The following TDRD3 variants were observed in gnomAD, a reference collection of about 807,000 sequenced individuals.
TDRD3 encodes the protein tudor domain containing 3, also known as tudor domain-containing protein 3.
A neutral mutation model predicts 86.7 loss-of-function variants in TDRD3; 45 were observed. That is an observed-to-expected ratio of 0.52 (90% CI 0.41 to 0.67). The LOEUF (loss-of-function observed/expected upper bound fraction) is 0.67, where lower values mean the gene tolerates loss of function less well. Among genes scored for constraint, TDRD3 ranks in the 30% least tolerant of loss-of-function variants. TDRD3 has a pLI of 0.00. For missense variants in TDRD3, 814 were observed against 889.0 expected (o/e 0.92, Z 1.07); for synonymous variants, 298 against 301.7 (o/e 0.99, Z 0.13).
intron 4 of TDRD3, among the ~76,000 whole-genome samples, chr13:60,462,563 A>G (rs1042039845): frequency 1.3e-5 from 2 of 152,166 alleles, no homozygotes; most frequent in Non-Finnish European, 2.9e-5. Context: ...TCTAGATGGG[A>G]TAAACCAGGT....
chr13:60,414,274 G>A (rs983668247), intron 1 of TDRD3, among the ~76,000 whole-genome samples: 1 of 152,128 alleles, frequency 6.6e-6, no homozygotes, highest in Non-Finnish European at 1.5e-5. Flanking sequence ...GGAGTTGGCA[G>A]ACTATGACCA....
intron 12 of TDRD3, among the ~76,000 whole-genome samples, chr13:60,554,212 T>C (rs769966689): frequency 1.3e-5 from 2 of 152,226 alleles, no homozygotes; most frequent in Non-Finnish European, 2.9e-5. Flanking sequence ...AATTAGTGTT[T>C]AACCCTGGAC....
rs1956668971 is a variant in TDRD3, at chr13:60,494,463, G to C, written c.746G>C (p.Gly249Ala). ...AAGACATTTGGAGGAGGTGGTGGTG[G>C]TGCTAGAAGTAATCTCAATATGAAT... The part of the protein sequence containing the change: ...ETKTFGGGGG[G>A]ARSNLNMNAA... Residue 249 changes from glycine to alanine, a missense_variant, in exon 8 of 14, where the codon GGT (glycine) becomes GCT (alanine). Transcript: ENST00000377881. The C allele has an allele frequency of 6.2e-7, 1 of 1,613,512 alleles. No homozygotes were observed. Among genetic ancestry groups the C allele is most frequent in the Non-Finnish European group, 8.5e-7 (1 of 1,179,696 alleles).
At chr13:60,489,718 C>T (rs987169962) in intron 7 of TDRD3, among the ~76,000 whole-genome samples, 1 of 152,134 alleles carries the variant, frequency 6.6e-6, no homozygotes, top group African/African-American at 2.4e-5. Flanking sequence ...ACTTTTTCCT[C>T]TACAAGGCAT....
At chr13:60,429,757 C>T (rs1566184611) in intron 1 of TDRD3, among the ~76,000 whole-genome samples, 1 of 152,140 alleles carries the variant, frequency 6.6e-6, no homozygotes, top group Non-Finnish European at 1.5e-5. Context: ...AGCATATACA[C>T]TTTTGACTAT....
intron 9 of TDRD3, among the ~76,000 whole-genome samples, 200 bp from the exon 10 acceptor site, chr13:60,510,430 C>A (rs904383033): frequency 4.0e-5 from 6 of 151,860 alleles, no homozygotes; most frequent in African/African-American, 1.5e-4. Context: ...CTGAATAGAT[C>A]ATTTATTTAG....
chr13:60,548,620 A>T (rs1406244721), intron 12 of TDRD3, among the ~76,000 whole-genome samples: 1 of 152,152 alleles, frequency 6.6e-6, no homozygotes, highest in African/African-American at 2.4e-5. Flanking sequence ...TTTCTTGCTG[A>T]AGTAGCAGTG....
intron 9 of TDRD3, among the ~76,000 whole-genome samples, chr13:60,510,206 G>C (rs775913485): frequency 3.3e-5 from 5 of 152,042 alleles, no homozygotes; most frequent in Non-Finnish European, 5.9e-5. Context: ...TATGTGACTG[G>C]TTCTATTATT....
intron 13 of TDRD3, among the ~76,000 whole-genome samples, chr13:60,573,040 T>C (rs1372355815): frequency 6.6e-6 from 1 of 152,236 alleles, no homozygotes; most frequent in Non-Finnish European, 1.5e-5. Flanking sequence ...AAGCACGCTG[T>C]CATGCATGAG....
intron 1 of TDRD3, among the ~76,000 whole-genome samples, chr13:60,400,866 A>G (rs77849680): frequency 0.095 from 14,414 of 152,254 alleles, 802 homozygotes; most frequent in African/African-American, 0.15. Flanking sequence ...GGCAGAACCA[A>G]GAATAGAGCC....
At chr13:60,462,149 G>A (rs183631873) in intron 4 of TDRD3, among the ~76,000 whole-genome samples, 14 of 152,296 alleles carry the variant, frequency 9.2e-5, no homozygotes, top group East Asian at 5.8e-4. Context: ...AGTAGGATTC[G>A]TACTTTTGTG....
chr13:60,518,199 A>G (rs1403639213), intron 10 of TDRD3, among the ~76,000 whole-genome samples: 1 of 152,086 alleles, frequency 6.6e-6, no homozygotes, highest in East Asian at 1.9e-4. Flanking sequence ...CTTCATGGAG[A>G]GGCTGCCTCC....
At chr13:60,504,360 G>T (rs1273318111) in intron 8 of TDRD3, among the ~76,000 whole-genome samples, 1 of 152,174 alleles carries the variant, frequency 6.6e-6, no homozygotes, top group East Asian at 1.9e-4. Context: ...ACCAGGTATG[G>T]AGCCTAGGAC....
intron 8 of TDRD3, among the ~76,000 whole-genome samples, chr13:60,496,324 TA>T (rs1956717038): frequency 2.3e-5 from 2 of 87,326 alleles, no homozygotes; most frequent in African/African-American, 7.4e-5. Context: ...TATATATATA[TA>T]TATATATATA....
chr13:60,397,142 G>T (rs1050142863), upstream of TDRD3: 2 of 389,848 alleles, frequency 5.1e-6, no homozygotes, highest in East Asian at 3.7e-5. Flanking sequence ...CGCAGCCTGG[G>T]AGCCCCACAC....
intron 10 of TDRD3, among the ~76,000 whole-genome samples, chr13:60,512,336 A>T (rs573876670): frequency 1.5e-4 from 23 of 152,232 alleles, no homozygotes; most frequent in South Asian, 2.1e-4. Flanking sequence ...GGCATTCAAG[A>T]TGAGATTTGG....
At chr13:60,402,691 C>CTTTT (rs35984156) in intron 1 of TDRD3, among the ~76,000 whole-genome samples, 17 of 73,262 alleles carry the variant, frequency 2.3e-4, no homozygotes, top group South Asian at 5.7e-4. Flanking sequence ...AAACCAATTG[C>CTTTT]TTTTTTTTTT....
intron 1 of TDRD3, among the ~76,000 whole-genome samples, chr13:60,408,133 G>C (rs1033377302): frequency 6.6e-6 from 1 of 152,030 alleles, no homozygotes; most frequent in South Asian, 2.1e-4. Context: ...GGTTTATCAG[G>C]GGTTTCCACT....
intron 1 of TDRD3, among the ~76,000 whole-genome samples, chr13:60,418,398 A>G (rs1954576525): frequency 1.3e-5 from 2 of 152,104 alleles, no homozygotes; most frequent in South Asian, 2.1e-4. Context: ...TCTCTAGCTC[A>G]TTGTGCTATA....
Sources: gnomAD v4.1 joint callset for allele counts (sites outside exome capture counted in the v4.1 genomes callset) on GRCh38, gnomAD v4.1.1 for gene constraint, MANE v1.5 for transcripts, NCBI Gene and HGNC (gene_info 2026-07-23, HGNC 2026-07-21) for gene names.